ENO3: variants seen among roughly 807,000 people sequenced by gnomAD.
ENO3 encodes the protein beta-enolase.
A neutral mutation model predicts 47.7 loss-of-function variants in ENO3; 46 were observed. The ratio of observed to expected loss-of-function variants is 0.96; its 90% confidence interval spans 0.76 to 1.23. ENO3 has a LOEUF of 1.23. ENO3 is among the 50% of genes most tolerant of loss of function. The probability of loss-of-function intolerance (pLI) is 0.00; values close to 1 mark genes in which losing one functional copy is unlikely to be tolerated. For missense variants in ENO3, 575 were observed against 566.2 expected, an observed-to-expected ratio of 1.02 and a Z score of -0.16; for synonymous variants, 223 against 225.9, an observed-to-expected ratio of 0.99 and a Z score of 0.11.
upstream of ENO3, chr17:4,950,421 G>A: frequency 3.4e-6 from 1 of 297,182 alleles, no homozygotes; most frequent in South Asian, 1.3e-4. Flanking sequence ...CGTGCGCTGA[G>A]CGCCCACAGT....
upstream of ENO3, chr17:4,950,624 C>T: frequency 3.0e-6 from 3 of 985,560 alleles, no homozygotes; most frequent in Non-Finnish European, 3.6e-6. Context: ...TATGAGGACC[C>T]TAAGAGGTGA....
rs184863718 is a variant in ENO3, at chr17:4,952,406, C to T, written c.86-389C>T. Reference sequence around the variant, plus strand: ...TCGCCCAGGCTGGAGTGCAGTGGCGCGATCTAGGCTCACTGCAAGCTCCGC... The same window carrying T: ...TCGCCCAGGCTGGAGTGCAGTGGCGTGATCTAGGCTCACTGCAAGCTCCGC... On this transcript the variant is annotated intron_variant, in intron 2 of 11. Transcript: ENST00000519602. 2,485 of 331,438 alleles carry T rather than the reference C, an allele frequency of 7.5e-3. 59 individuals are homozygous for T. The highest frequency in any genetic ancestry group is 0.05 in the African/African-American group (2,254 of 45,490). 20.5% of individuals were successfully genotyped at this position (331,438 alleles called of 1,614,324 possible). A position where few individuals can be genotyped will look rare whatever the true frequency, so the allele number is the denominator to read the frequency against.
upstream of ENO3, chr17:4,951,106 G>A: frequency 1.0e-6 from 1 of 987,290 alleles, no homozygotes; most frequent in South Asian, 4.7e-5. Context: ...CGCAGCCTGA[G>A]AGGGGGTGAG....
At chr17:4,948,756 G>A (rs1471826725), upstream of ENO3, 4 of 272,706 alleles carry the variant, frequency 1.5e-5, no homozygotes, top group South Asian at 1.2e-4. Context: ...GGTGGCGGGA[G>A]AGAGGTGAAG....
chr17:4,956,197 G>A (rs972214386), intron 9 of ENO3, 54 bp downstream of exon 9: 12 of 1,591,136 alleles, frequency 7.5e-6, no homozygotes, highest in African/African-American at 1.3e-5. Flanking sequence ...CCCCAGCTCT[G>A]CCCACTCCAG....
At chr17:4,954,895 CAAAAA>C (rs375176343) in intron 6 of ENO3, among the ~76,000 whole-genome samples, 175 bp from the exon 7 acceptor site, 3 of 64,686 alleles carry the variant, frequency 4.6e-5, no homozygotes, top group Non-Finnish European at 6.3e-5. Flanking sequence ...GACTCCGTCT[CAAAAA>C]AAAAAAAAAA....
Position 4,952,907 on chromosome 17 carries a change from G to C in ENO3, c.181+17G>C, listed in dbSNP as rs368381926. ...TGGGGAAAGGTGAGGAGACACCAGCGCAGAAGGAGCCTGTGTGGGCGGCTT... is the reference window on the plus strand; with the variant it reads ...TGGGGAAAGGTGAGGAGACACCAGCCCAGAAGGAGCCTGTGTGGGCGGCTT... On this transcript the variant is annotated intron_variant, in intron 3 of 11. Coordinates refer to ENST00000519602, the MANE Select transcript of ENO3 (RefSeq NM_053013.4). 9 of 1,610,810 alleles carry C rather than the reference G, an allele frequency of 5.6e-6. 1 individual carries two copies. Among genetic ancestry groups the C allele is most frequent in the Non-Finnish European group, 7.6e-6 (9 of 1,178,268 alleles).
At position 4,956,048 on chromosome 17, in the gene ENO3, C is replaced by G. The variant is rs1168800200; in HGVS notation, c.972C>G (p.Asn324Lys). Reference sequence around the variant, plus strand: ...TGGGGGATGACTTGACAGTCACCAACCCCAAGAGGATTGCCCAGGCCGTTG... The same window carrying G: ...TGGGGGATGACTTGACAGTCACCAAGCCCAAGAGGATTGCCCAGGCCGTTG... ...QIVGDDLTVT[N>K]PKRIAQAVEK... The change falls in exon 9 of 12, where the codon AAC (asparagine) becomes AAG (lysine). Residue 324 changes from asparagine (N) to lysine (K), a missense_variant. Coordinates refer to ENST00000519602, the MANE Select transcript of ENO3 (RefSeq NM_053013.4). The G allele has an allele frequency of 6.2e-7, 1 of 1,614,104 alleles. No individual in the cohort carries two copies. The highest frequency in any genetic ancestry group is 2.2e-5 in the East Asian group (1 of 44,880).
chr17:4,951,071 G>A, upstream of ENO3: 9 of 986,154 alleles, frequency 9.1e-6, no homozygotes, highest in Non-Finnish European at 1.1e-5. Flanking sequence ...GGCTGGCTGG[G>A]GACCGAGTGG....
At chr17:4,948,727 G>C, upstream of ENO3, 1 of 329,246 alleles carries the variant, frequency 3.0e-6, no homozygotes, top group East Asian at 6.8e-5. Context: ...TCGATGGAAA[G>C]CAATGCAGAA....
At chr17:4,950,724 A>C (rs1366284677), upstream of ENO3, 1 of 963,242 alleles carries the variant, frequency 1.0e-6, no homozygotes, top group African/African-American at 1.8e-5. Flanking sequence ...TGTGGACGTC[A>C]ATCTTGCAGC....
At chr17:4,953,439 T>C in intron 5 of ENO3, 98 bp downstream of exon 5, 1 of 1,540,262 alleles carries the variant, frequency 6.5e-7, no homozygotes, top group South Asian at 1.1e-5. Flanking sequence ...GGTCCCCCAT[T>C]TTGGGTCACA....
upstream of ENO3, chr17:4,950,650 T>C (rs117337116): frequency 7.3e-4 from 723 of 985,392 alleles, 27 homozygotes; most frequent in East Asian, 0.057. Flanking sequence ...TCTCGCCTTC[T>C]GGGGTGGGGG....
At chr17:4,952,550 C>G (rs879845651) in intron 2 of ENO3, among the ~76,000 whole-genome samples, 1 of 152,174 alleles carries the variant, frequency 6.6e-6, no homozygotes, top group African/African-American at 2.4e-5. Flanking sequence ...GTCTCGATCT[C>G]CTGATCTCGT....
At chr17:4,956,928 G>A in intron 11 of ENO3, 39 bp downstream of exon 11, 1 of 1,614,236 alleles carries the variant, frequency 6.2e-7, no homozygotes. Flanking sequence ...TGGGGTGCTG[G>A]AGGCTGTTAG....
chr17:4,949,518 G>GCAAGAGTGGCAACTTTTT (rs1335650633), upstream of ENO3, among the ~76,000 whole-genome samples: 103 of 152,118 alleles, frequency 6.8e-4, no homozygotes, highest in Admixed American at 1.0e-3. Flanking sequence ...TACTCAAGTT[G>GCAAGAGTGGCAACTTTTT]CAAGAGTGGC....
At chr17:4,954,895 C>CA (rs375176343) in intron 6 of ENO3, among the ~76,000 whole-genome samples, 180 bp from the exon 7 acceptor site, 2,147 of 64,244 alleles carry the variant, frequency 0.033, 23 homozygotes, top group Middle Eastern at 0.071. Context: ...GACTCCGTCT[C>CA]AAAAAAAAAA....
rs757044553 is a variant in ENO3 at position 4,951,929 on chromosome 17, A to T, written c.85+15A>T. 7 of 1,613,864 alleles carry T rather than the reference A, an allele frequency of 4.3e-6. No individual in the cohort carries two copies. The East Asian group carries it at 1.6e-4, about 36-fold the overall frequency. ...CACGGCCAAGGGTAACACAAGGCCC[A>T]TTGGATAGGCTCGCCTCCGAAGACC... On this transcript the variant is annotated intron_variant, in intron 2 of 11. Transcript: ENST00000519602.
intron 2 of ENO3, among the ~76,000 whole-genome samples, chr17:4,952,524 G>A (rs904644779): frequency 2.0e-5 from 3 of 152,004 alleles, no homozygotes; most frequent in South Asian, 2.1e-4. Flanking sequence ...GGGGTTTCAC[G>A]GTGTCAGCCA....
Sources: gnomAD v4.1 joint callset for allele counts (sites outside exome capture counted in the v4.1 genomes callset) on GRCh38, gnomAD v4.1.1 for gene constraint, MANE v1.5 for transcripts, NCBI Gene and HGNC (gene_info 2026-07-23, HGNC 2026-07-21) for gene names.